TAOK3: variants seen among roughly 807,000 people sequenced by gnomAD.
TAOK3 encodes the protein TAO kinase 3, also known as serine/threonine-protein kinase TAO3.
Under a neutral mutation model 120.4 loss-of-function variants are expected in TAOK3, and 40 were observed. The observed-to-expected ratio is 0.33, with a 90% CI of 0.26 to 0.43. TAOK3 has a LOEUF of 0.43. Among genes scored for constraint, TAOK3 ranks in the 20% least tolerant of loss-of-function variants. The pLI is 1.00. For missense variants in TAOK3, 821 were observed against 1,112.1 expected, an observed-to-expected ratio of 0.74 and a Z score of 3.72; for synonymous variants, 355 against 387.5, an observed-to-expected ratio of 0.92 and a Z score of 0.99.
chr12:118,163,448 T>TTTTGGGGGGGGG (rs1555209281), intron 17 of TAOK3, among the ~76,000 whole-genome samples: 1 of 123,852 alleles, frequency 8.1e-6, no homozygotes, highest in Admixed American at 8.5e-5. Flanking sequence ...ACTTTTTTTT[T>TTTTGGGGGGGGG]GGGGGGGGTG....
rs755849974 is a variant in TAOK3, at chr12:118,323,288, A to C, written c.-194+49360T>G. 4.6e-5 allele frequency among the ~76,000 whole-genome samples: 7 copies of C among 152,316 alleles called. 1 individual carries two copies. The highest frequency in any genetic ancestry group is 6.8e-3 in the Middle Eastern group (2 of 294). On this transcript the variant is annotated intron_variant, in intron 1 of 20. Coordinates refer to ENST00000392533, the MANE Select transcript of TAOK3 (RefSeq NM_016281.4). Reference sequence around the variant, plus strand: ...GGGTCTCAAAAACAGAACCAAATACACATAGATATTTAATATATATGTTGC... The same window carrying C: ...GGGTCTCAAAAACAGAACCAAATACCCATAGATATTTAATATATATGTTGC...
At position 118,243,452 on chromosome 12, in the gene TAOK3, T is replaced by G. The variant is rs769444591; in HGVS notation, c.257A>C (p.Glu86Ala). Residue 86 changes from glutamate (E) to alanine (A), a missense_variant, in exon 5 of 21, where the codon GAG (glutamate) becomes GCG (alanine). Glu to Ala is a moderately radical substitution (Grantham distance 107, BLOSUM62 -1). Coordinates refer to ENST00000392533, the MANE Select transcript of TAOK3 (RefSeq NM_016281.4). ...LRQLKHPNTIEYKGCYLKEHT... is the reference protein window; with the variant it reads ...LRQLKHPNTIAYKGCYLKEHT... ...TTCTTTCAAGTAACAGCCTTTGTACTCAATAGTATTAGGATGCTTCAATTG... is the reference window on the plus strand; with the variant it reads ...TTCTTTCAAGTAACAGCCTTTGTACGCAATAGTATTAGGATGCTTCAATTG... 10 of 1,572,358 alleles carry G rather than the reference T, an allele frequency of 6.4e-6. No individual in the cohort carries two copies. The highest frequency in any genetic ancestry group is 1.7e-4 in the Middle Eastern group (1 of 5,874).
intron 3 of TAOK3, among the ~76,000 whole-genome samples, chr12:118,255,178 C>G (rs562970908): frequency 3.9e-5 from 6 of 152,322 alleles, no homozygotes; most frequent in African/African-American, 1.4e-4. Flanking sequence ...CTATTTGCCT[C>G]TACGGTAGAT....
chr12:118,363,949 T>C (rs1191544668), intron 1 of TAOK3, among the ~76,000 whole-genome samples: 2 of 151,982 alleles, frequency 1.3e-5, no homozygotes, highest in Non-Finnish European at 2.9e-5. Flanking sequence ...TGGAGAAACC[T>C]TGTCTCTACT....
chr12:118,177,165 T>C, intron 16 of TAOK3, 36 bp downstream of exon 16: 1 of 1,604,522 alleles, frequency 6.2e-7, no homozygotes, highest in Non-Finnish European at 8.5e-7. Flanking sequence ...ACCATTCTAA[T>C]GGCAACTTGG....
chr12:118,215,222 G>A (rs1379431105), intron 9 of TAOK3, among the ~76,000 whole-genome samples: 1 of 145,274 alleles, frequency 6.9e-6, no homozygotes, highest in Admixed American at 6.8e-5. Context: ...ATGGCCGGGC[G>A]CGGTGGCTCA....
In TAOK3 at chr12:118,201,334, G is replaced by C; in HGVS notation, c.949C>G (p.Arg317Gly). 6.2e-7 allele frequency: 1 copy of C among 1,613,906 alleles called. No homozygotes were observed. Among genetic ancestry groups the C allele is most frequent in the Non-Finnish European group, 8.5e-7 (1 of 1,179,906 alleles). Residue 317 changes from arginine (R) to glycine (G), a missense_variant, in exon 12 of 21, where the codon CGG (arginine) becomes GGG (glycine). Physicochemically the swap from Arg to Gly is moderately radical, Grantham distance 125 (BLOSUM62 -2). This residue lies in a region of TAOK3 where 467 missense variants were observed against 540.0 expected (regional missense o/e 0.86). Transcript: ENST00000392533. Reference protein sequence around the residue: ...KMKKILFQETRNGPLNESQED... With the variant: ...KMKKILFQETGNGPLNESQED... ...TGTGACTCATTCAAGGGTCCATTCC[G>C]TGTCTCTTGGAAAAGTATTTTTTTC...
intron 1 of TAOK3, among the ~76,000 whole-genome samples, chr12:118,317,298 ATT>A (rs950745966): frequency 1.5e-4 from 19 of 126,030 alleles, no homozygotes; most frequent in Admixed American, 2.4e-4. Context: ...CGCTGGGAGA[ATT>A]TTTTTTTTTT....
chr12:118,231,011 C>G (rs1477073896), intron 9 of TAOK3, among the ~76,000 whole-genome samples: 1 of 151,878 alleles, frequency 6.6e-6, no homozygotes, highest in Non-Finnish European at 1.5e-5. Context: ...TAACATGATG[C>G]CATTAAAATG....
intron 14 of TAOK3, among the ~76,000 whole-genome samples, chr12:118,182,896 T>C (rs1016040329): frequency 6.6e-6 from 1 of 152,082 alleles, no homozygotes; most frequent in Non-Finnish European, 1.5e-5. Flanking sequence ...CAAGTGAACA[T>C]CCAACAAATT....
chr12:118,181,469 G>A lies in TAOK3; in HGVS notation c.1468C>T (p.Arg490Cys), dbSNP rs201597719. 1.1e-5 allele frequency: 17 copies of A among 1,614,172 alleles called. No homozygotes were observed. Among genetic ancestry groups the A allele is most frequent in the East Asian group, 6.7e-5 (3 of 44,872 alleles). Residue 490 changes from arginine (R) to cysteine (C), a missense_variant, in exon 15 of 21, where the codon CGC (arginine) becomes TGC (cysteine). Physicochemically the swap from Arg to Cys is radical, Grantham distance 180 (BLOSUM62 -3). Coordinates refer to ENST00000392533, the MANE Select transcript of TAOK3 (RefSeq NM_016281.4). ...NKLKAEMDEHRLKLQKEVETH... is the reference protein window; with the variant it reads ...NKLKAEMDEHCLKLQKEVETH... ...TCCACCTCCTTCTGTAGCTTGAGGC[G>A]GTGCTCGTCCATCTCAGCCTTCAGC...
intron 1 of TAOK3, among the ~76,000 whole-genome samples, chr12:118,290,359 ATCT>A (rs2042427690): frequency 6.6e-6 from 1 of 152,166 alleles, no homozygotes; most frequent in East Asian, 1.9e-4. Context: ...AAGAAAAGTT[ATCT>A]GCCTTCCTAG....
chr12:118,158,111 A>G (rs2034964668), intron 19 of TAOK3, among the ~76,000 whole-genome samples: 1 of 152,176 alleles, frequency 6.6e-6, no homozygotes, highest in Non-Finnish European at 1.5e-5. Context: ...TCTCTGCAAC[A>G]TGTGACGCTG....
intron 3 of TAOK3, among the ~76,000 whole-genome samples, chr12:118,253,776 C>A (rs1350402814): frequency 7.4e-6 from 1 of 134,976 alleles, no homozygotes; most frequent in Admixed American, 7.7e-5. Flanking sequence ...AAACAGGGCC[C>A]GGTGCAGTGG....
chr12:118,222,255 C>T (rs1257218056), intron 9 of TAOK3, among the ~76,000 whole-genome samples: 1 of 152,044 alleles, frequency 6.6e-6, no homozygotes, highest in Non-Finnish European at 1.5e-5. Flanking sequence ...AATGTGGTGG[C>T]CAGGCGTGGT....
At chr12:118,330,532 G>A (rs1293749491) in intron 1 of TAOK3, among the ~76,000 whole-genome samples, 1 of 152,144 alleles carries the variant, frequency 6.6e-6, no homozygotes, top group African/African-American at 2.4e-5. Context: ...AAGTGTATGT[G>A]CGTGTCTGGC....
intron 9 of TAOK3, among the ~76,000 whole-genome samples, chr12:118,222,823 A>G (rs1414335661): frequency 6.6e-6 from 1 of 152,164 alleles, no homozygotes; most frequent in African/African-American, 2.4e-5. Context: ...TATTGGGTAC[A>G]ATGTACAGTA....
At chr12:118,299,304 AC>A (rs2042790477) in intron 1 of TAOK3, among the ~76,000 whole-genome samples, 1 of 152,300 alleles carries the variant, frequency 6.6e-6, no homozygotes, top group African/African-American at 2.4e-5. Flanking sequence ...TTCACAAAAA[AC>A]ATTCAACAAA....
At chr12:118,165,227 G>A (rs1453762330) in intron 17 of TAOK3, among the ~76,000 whole-genome samples, 1 of 152,076 alleles carries the variant, frequency 6.6e-6, no homozygotes, top group Admixed American at 6.5e-5. Context: ...ACCAAAGGAT[G>A]GAGAGCCCTT....
Sources: allele counts gnomAD v4.1 joint callset (sites outside exome capture counted in the v4.1 genomes callset), GRCh38; gene constraint gnomAD v4.1.1; regional missense constraint gnomAD v4.1.1; transcripts MANE v1.5; gene names NCBI Gene and HGNC (gene_info 2026-07-23, HGNC 2026-07-21).